Variants in HLA-DRB5 observed in about 807,000 individuals in gnomAD.
The protein encoded by HLA-DRB5 is major histocompatibility complex, class II, DR beta 5.
A neutral mutation model predicts 22.4 loss-of-function variants in HLA-DRB5; 11 were observed. The observed-to-expected ratio is 0.49, with a 90% CI of 0.31 to 0.81. HLA-DRB5 has a LOEUF of 0.81. Ranked by LOEUF, HLA-DRB5 falls within the 40% of genes least tolerant of loss-of-function variation. The pLI is 0.05. For synonymous variants in HLA-DRB5, 57 were observed against 106.0 expected (o/e 0.54, Z 2.84); for missense variants, 106 against 274.4 (o/e 0.39, Z 4.34).
chr6:32,520,407 C>A (rs1581582211), intron 2 of HLA-DRB5, among the ~76,000 whole-genome samples: 2 of 55,982 alleles, frequency 3.6e-5, no homozygotes, highest in African/African-American at 8.3e-5. Context: ...AATGGTTCTC[C>A]AATCTTTAAG....
chr6:32,523,352 G>A (rs1210763331), intron 1 of HLA-DRB5, among the ~76,000 whole-genome samples: 1 of 40,934 alleles, frequency 2.4e-5, no homozygotes, highest in African/African-American at 9.1e-5. Flanking sequence ...ACATATATGT[G>A]TGTAAATATA....
intron 1 of HLA-DRB5, among the ~76,000 whole-genome samples, chr6:32,524,290 C>A (rs879401539): frequency 0.081 from 4,877 of 60,408 alleles, no homozygotes; most frequent in Middle Eastern, 0.12. Flanking sequence ...ACCAACCAGT[C>A]ACCAAATCAT....
rs1347065296 is a variant in HLA-DRB5, at chr6:32,523,393, G to T, written c.101-1219C>A. Reference sequence around the variant, plus strand: ...ATGTAAAATACTATATATTTTAGATGTTTTTGTCTTTATGTTTGATTGAAG... The same window carrying T: ...ATGTAAAATACTATATATTTTAGATTTTTTTGTCTTTATGTTTGATTGAAG... On this transcript the variant is annotated intron_variant, in intron 1 of 5. Coordinates refer to ENST00000374975, the MANE Select transcript of HLA-DRB5 (RefSeq NM_002125.4). Among the ~76,000 whole-genome samples, 2 of 60,036 alleles carry T rather than the reference G, an allele frequency of 3.3e-5. 1 individual carries two copies. Among genetic ancestry groups the T allele is most frequent in the Non-Finnish European group, 6.6e-5 (2 of 30,298 alleles). The allele number at this position is 60,036 out of a possible 152,430, so 39.4% of individuals were successfully genotyped here.
chr6:32,520,466 T>A (rs1407730240), intron 2 of HLA-DRB5, among the ~76,000 whole-genome samples: 2 of 78,352 alleles, frequency 2.6e-5, no homozygotes, highest in African/African-American at 5.3e-5. Flanking sequence ...TTAAGGAAAG[T>A]TATTTTAGTT....
intron 1 of HLA-DRB5, among the ~76,000 whole-genome samples, chr6:32,526,094 C>G (rs796234439): frequency 0.054 from 3,763 of 70,010 alleles, 17 homozygotes; most frequent in East Asian, 0.073. Context: ...TTCCCTGAAG[C>G]TCGCTACTCA....
At chr6:32,520,618 T>C (rs115585260) in intron 2 of HLA-DRB5, among the ~76,000 whole-genome samples, 19,470 of 75,726 alleles carry the variant, frequency 0.26, 5,176 homozygotes, top group African/African-American at 0.33. Flanking sequence ...TGGGACTCAT[T>C]ACTTGGGGTG....
intron 1 of HLA-DRB5, among the ~76,000 whole-genome samples, chr6:32,523,125 A>G (rs566143951): frequency 0.42 from 20,939 of 49,932 alleles, 6,453 homozygotes; most frequent in Middle Eastern, 0.52. Context: ...GGAAAGTATC[A>G]AAGAGATTTA....
intron 1 of HLA-DRB5, among the ~76,000 whole-genome samples, chr6:32,527,058 A>ATACATGCCGAGACTG (rs1769689058): frequency 5.5e-5 from 1 of 18,302 alleles, no homozygotes; most frequent in Non-Finnish European, 1.1e-4. Flanking sequence ...GGTAAGCAAA[A>ATACATGCCGAGACTG]TCCACTTTAT....
At chr6:32,524,661 A>G (rs74196779) in intron 1 of HLA-DRB5, among the ~76,000 whole-genome samples, 15,405 of 99,232 alleles carry the variant, frequency 0.16, 464 homozygotes, top group Middle Eastern at 0.24. Context: ...CCTGGATCAA[A>G]CAATGTCTAT....
intron 1 of HLA-DRB5, among the ~76,000 whole-genome samples, chr6:32,524,718 T>A (rs1769386460): frequency 2.8e-5 from 2 of 71,992 alleles, no homozygotes; most frequent in African/African-American, 1.3e-4. Context: ...AGACAGAATG[T>A]TAAAAAATAA....
At chr6:32,529,456 C>T (rs1423228643) in intron 1 of HLA-DRB5, among the ~76,000 whole-genome samples, 1 of 68,774 alleles carries the variant, frequency 1.5e-5, no homozygotes, top group Non-Finnish European at 2.9e-5. Flanking sequence ...CTTTAGGCAC[C>T]AAAGAATACC....
chr6:32,523,685 C>T (rs1213109337), intron 1 of HLA-DRB5, among the ~76,000 whole-genome samples: 3 of 116,632 alleles, frequency 2.6e-5, no homozygotes, highest in Non-Finnish European at 3.7e-5. Flanking sequence ...AGCTATTAAA[C>T]TTGCATTGAC....
intron 1 of HLA-DRB5, among the ~76,000 whole-genome samples, chr6:32,528,183 T>TG (rs1208349324): frequency 7.8e-3 from 440 of 56,614 alleles, no homozygotes; most frequent in Admixed American, 0.019. Context: ...CAAGTAGGGC[T>TG]CTCTAGACAT....
intron 3 of HLA-DRB5, 133 bp from the exon 4 acceptor site, chr6:32,518,799 G>T (rs145140566): frequency 0.11 from 25,850 of 236,742 alleles, 72 homozygotes; most frequent in Admixed American, 0.18. Context: ...AGCCATTTCT[G>T]GAGAAAAAAA....
chr6:32,525,307 T>C (rs185655039), intron 1 of HLA-DRB5, among the ~76,000 whole-genome samples: 4 of 37,136 alleles, frequency 1.1e-4, no homozygotes, highest in Non-Finnish European at 1.7e-4. Context: ...CACAGGATTT[T>C]TGTAAGTGTG....
chr6:32,528,324 C>G (rs186165968), intron 1 of HLA-DRB5, among the ~76,000 whole-genome samples: 27,901 of 107,160 alleles, frequency 0.26, 581 homozygotes, highest in Admixed American at 0.31. Flanking sequence ...CTCCTCCACT[C>G]TTGTGTAACC....
intron 1 of HLA-DRB5, among the ~76,000 whole-genome samples, chr6:32,525,516 A>C (rs199750207): frequency 0.12 from 10,761 of 89,860 alleles, no homozygotes; most frequent in East Asian, 0.17. Context: ...GTCATTCTGA[A>C]AACAGAGGGC....
intron 2 of HLA-DRB5, 94 bp downstream of exon 2, chr6:32,521,811 T>TCTCACACACACACACACACACACA: frequency 4.0e-6 from 1 of 248,816 alleles, no homozygotes; most frequent in Non-Finnish European, 6.6e-6. Context: ...CCTCTCTCTC[T>TCTCACACACACACACACACACACA]CACACACACA....
Position 32,517,408 on chromosome 6 carries a change from AT to A in HLA-DRB5, c.*330del, listed in dbSNP as rs1403086768. 1.5e-4 allele frequency: 11 copies of A among 73,160 alleles called. 4 individuals are homozygous for A. Among genetic ancestry groups the A allele is most frequent in the Non-Finnish European group, 2.5e-4 (10 of 39,472 alleles). 4.5% of individuals were successfully genotyped at this position (73,160 alleles called of 1,614,324 possible). The stretch of plus-strand genomic sequence containing the variant: ...TTTGTCTTTGGAGCCAGGTGGACAG[AT>A]GATTTTTAACTCTGGGCTTCAGAAA... On this transcript the variant is annotated 3_prime_UTR_variant, in exon 6 of 6. Transcript: ENST00000374975.
Sources: allele counts gnomAD v4.1 joint callset (sites outside exome capture counted in the v4.1 genomes callset), GRCh38; gene constraint gnomAD v4.1.1; transcripts MANE v1.5; gene names NCBI Gene and HGNC (gene_info 2026-07-23, HGNC 2026-07-21).